The following ATR variants were observed in gnomAD, a reference collection of about 807,000 sequenced individuals.
ATR encodes the protein ATR checkpoint kinase.
In ATR, 142 loss-of-function variants were observed where a neutral mutation model predicts 305.3. That is an observed-to-expected ratio of 0.47 (90% confidence interval 0.41 to 0.53). ATR has a LOEUF of 0.53. Among genes scored for constraint, ATR ranks in the 20% least tolerant of loss-of-function variants. ATR has a pLI of 0.00. For synonymous variants in ATR, 1,050 were observed against 1,068.1 expected (o/e 0.98, Z 0.33); for missense variants, 2,135 against 3,133.1 (o/e 0.68, Z 7.60).
rs2071097881 is a variant in ATR at position 142,465,096 on chromosome 3, C to T, written c.7041+1G>A. ...AAAATAAAAGCAAACTATCTCCCAA[C>T]CTTATTAATCAAGGAATTGAATTCC... On this transcript the variant is annotated splice_donor_variant, in intron 41 of 46. Coordinates refer to ENST00000350721, the MANE Select transcript of ATR (RefSeq NM_001184.4). LOFTEE classifies it high-confidence loss of function. 6.6e-7 allele frequency: 1 copy of T among 1,508,496 alleles called. No homozygotes were observed. The highest frequency in any genetic ancestry group is 8.9e-7 in the Non-Finnish European group (1 of 1,125,800). The allele number at this position is 1,508,496 out of a possible 1,614,324, so 93.4% of individuals were successfully genotyped here.
intron 36 of ATR, among the ~76,000 whole-genome samples, chr3:142,480,285 T>C (rs1319732770): frequency 1.3e-5 from 2 of 152,202 alleles, no homozygotes; most frequent in African/African-American, 2.4e-5. Flanking sequence ...CCCTTTCTGT[T>C]TGTTAGTTTT....
At chr3:142,560,135 AATTT>A in intron 6 of ATR, 124 bp downstream of exon 6, 1 of 890,998 alleles carries the variant, frequency 1.1e-6, no homozygotes, top group East Asian at 2.6e-5. Flanking sequence ...ATAGAAAATA[AATTT>A]ATTAACTACT....
intron 27 of ATR, among the ~76,000 whole-genome samples, chr3:142,509,805 C>G (rs1302624868): frequency 1.3e-5 from 2 of 151,842 alleles, no homozygotes; most frequent in Non-Finnish European, 2.9e-5. Flanking sequence ...TGAATCATTA[C>G]AAATGTTATT....
intron 17 of ATR, 35 bp from the exon 18 acceptor site, chr3:142,541,069 A>G (rs765837434): frequency 6.2e-7 from 1 of 1,612,196 alleles, no homozygotes; most frequent in Non-Finnish European, 8.5e-7. Flanking sequence ...AGTAAAGCTT[A>G]TAAACATGCT....
In ATR at chr3:142,474,937, A is replaced by T. The variant is rs550159892; in HGVS notation, c.6222-4754T>A. ...TTTTAAAAAAAGTTTGTTTTTTTTT[A>T]AAAAGCCTCTTTTATTTTAAAAAAC... On this transcript the variant is annotated intron_variant, in intron 36 of 46. Transcript: ENST00000350721. 4.1e-4 allele frequency among the ~76,000 whole-genome samples: 62 copies of T among 151,816 alleles called. 1 individual carries two copies. Among genetic ancestry groups the T allele is most frequent in the African/African-American group, 1.2e-3 (48 of 41,418 alleles).
Position 142,457,619 on chromosome 3 carries a change from C to A in ATR, c.7640G>T (p.Arg2547Leu), listed in dbSNP as rs1210518431. ...EVTMRLMRDQREPLMSVLKTF... is the reference protein window; with the variant it reads ...EVTMRLMRDQLEPLMSVLKTF... ...AGGTGATTACCTCATTAAAGGCTCT[C>A]GCTGATCACGCATCAGCCTCATTGT... Residue 2547 changes from arginine (R) to leucine (L), a missense_variant, in exon 45 of 47, where the codon CGA (arginine) becomes CTA (leucine). Physicochemically the swap from Arg to Leu is moderately radical, Grantham distance 102. Transcript: ENST00000350721. 2.5e-6 allele frequency: 4 copies of A among 1,613,972 alleles called. No homozygotes were observed. The highest frequency in any genetic ancestry group is 3.4e-6 in the Non-Finnish European group (4 of 1,179,940).
In ATR at chr3:142,519,728, T is replaced by A. The variant is rs56100509; in HGVS notation, c.4323A>T (p.Gln1441His). The change falls in exon 24 of 47, where the codon CAA becomes CAT. Residue 1441 changes from glutamine (Q) to histidine (H), a missense_variant. Gln to His is a conservative substitution (Grantham distance 24). This residue lies in a region of ATR where 202 missense variants were observed against 252.9 expected (regional missense o/e 0.80). Transcript: ENST00000350721. ...CATGCTCAGGAAATCTCCTCCACAA[T>A]TGGTGACCTGGGCCGTTGGTCTCCA... is the stretch of plus-strand genomic sequence containing the variant. Reference protein sequence around the residue: ...REMETNGPGHQLWRRFPEHVR... With the variant: ...REMETNGPGHHLWRRFPEHVR... 3.2e-5 allele frequency: 52 copies of A among 1,614,176 alleles called. No homozygotes were observed. The highest frequency in any genetic ancestry group is 4.3e-5 in the Non-Finnish European group (51 of 1,180,002).
At chr3:142,546,510 A>T (rs952949782) in intron 16 of ATR, among the ~76,000 whole-genome samples, 1 of 152,160 alleles carries the variant, frequency 6.6e-6, no homozygotes, top group Non-Finnish European at 1.5e-5. Flanking sequence ...TTCAACTAAA[A>T]ATTATCAAAA....
chr3:142,536,338 TCTAA>T, intron 19 of ATR, 137 bp from the exon 20 acceptor site: 3 of 652,808 alleles, frequency 4.6e-6, no homozygotes, highest in Non-Finnish European at 8.2e-6. Flanking sequence ...CAAAGTATTT[TCTAA>T]CTATGTCTAA....
chr3:142,481,537 G>A (rs1274792504), intron 36 of ATR, among the ~76,000 whole-genome samples: 2 of 152,128 alleles, frequency 1.3e-5, no homozygotes, highest in Non-Finnish European at 2.9e-5. Flanking sequence ...AAAGCCAGTG[G>A]CTTGTGGCTT....
chr3:142,494,545 C>T (rs915408188), intron 34 of ATR, among the ~76,000 whole-genome samples: 27 of 152,124 alleles, frequency 1.8e-4, no homozygotes, highest in Non-Finnish European at 2.4e-4. Flanking sequence ...AAGTTATCAA[C>T]GAAGAAAATT....
At chr3:142,560,193 T>C in intron 6 of ATR, 70 bp downstream of exon 6, 2 of 1,454,388 alleles carry the variant, frequency 1.4e-6, no homozygotes, top group Non-Finnish European at 9.6e-7. Flanking sequence ...GTCAAGTGAA[T>C]AATGAGTAAA....
chr3:142,477,151 G>C (rs113579227), intron 36 of ATR, among the ~76,000 whole-genome samples: 1 of 152,160 alleles, frequency 6.6e-6, no homozygotes, highest in African/African-American at 2.4e-5. Flanking sequence ...AGTGGTGAGA[G>C]AGGGCATCCC....
chr3:142,463,679 C>A (rs1246890722), intron 41 of ATR, among the ~76,000 whole-genome samples: 1 of 152,156 alleles, frequency 6.6e-6, no homozygotes, highest in Non-Finnish European at 1.5e-5. Context: ...GCCACCACAC[C>A]CAGCCCAAAT....
intron 1 of ATR, among the ~76,000 whole-genome samples, chr3:142,576,314 C>T (rs1013957223): frequency 8.5e-5 from 13 of 152,174 alleles, no homozygotes; most frequent in African/African-American, 3.1e-4. Flanking sequence ...ATTTTCACTT[C>T]CCAGTGTGGA....
intron 36 of ATR, among the ~76,000 whole-genome samples, chr3:142,476,127 T>G (rs963791319): frequency 3.9e-5 from 6 of 152,238 alleles, no homozygotes; most frequent in Non-Finnish European, 8.8e-5. Context: ...TTTTGGCTTT[T>G]GTTGCCATTG....
At chr3:142,473,102 TATA>T (rs1438683394) in intron 36 of ATR, among the ~76,000 whole-genome samples, 2 of 152,224 alleles carry the variant, frequency 1.3e-5, no homozygotes, top group Non-Finnish European at 2.9e-5. Context: ...TTTTGGTTTG[TATA>T]ATATCATTTG....
chr3:142,471,384 C>A (rs2071261165), intron 36 of ATR, among the ~76,000 whole-genome samples: 1 of 152,148 alleles, frequency 6.6e-6, no homozygotes. Context: ...CATGTTTTAG[C>A]TATTATGAAT....
chr3:142,493,412 AATTT>A, intron 34 of ATR, 101 bp from the exon 35 acceptor site: 1 of 1,293,942 alleles, frequency 7.7e-7, no homozygotes, highest in Non-Finnish European at 1.1e-6. Context: ...ATCCATTTGT[AATTT>A]CATGTTTATC....
Sources: allele counts gnomAD v4.1 joint callset (sites outside exome capture counted in the v4.1 genomes callset), GRCh38; gene constraint gnomAD v4.1.1; regional missense constraint gnomAD v4.1.1; transcripts MANE v1.5; gene names NCBI Gene and HGNC (gene_info 2026-07-23, HGNC 2026-07-21).